HTR2C: variants seen among roughly 807,000 people sequenced by gnomAD.
HTR2C encodes 5-hydroxytryptamine receptor 2C, also known as 5-hydroxytryptamine (serotonin) receptor 2C, G protein-coupled.
A neutral mutation model predicts 21.0 loss-of-function variants in HTR2C; 5 were observed. The observed-to-expected ratio is 0.24, with a 90% CI of 0.12 to 0.50. The LOEUF (loss-of-function observed/expected upper bound fraction) is 0.50. Ranked by LOEUF, HTR2C falls within the 20% of genes least tolerant of loss-of-function variation. The pLI is 0.98. For synonymous variants in HTR2C, 150 were observed against 145.3 expected, an observed-to-expected ratio of 1.03 and a Z score of -0.23; for missense variants, 271 against 371.2, an observed-to-expected ratio of 0.73 and a Z score of 2.22.
chrX:114,694,491 A>G (rs1277516215), intron 2 of HTR2C, among the ~76,000 whole-genome samples: 8 of 15,745 alleles, frequency 5.1e-4, no homozygotes, highest in Non-Finnish European at 1.0e-3. Flanking sequence ...ATATATATAT[A>G]TACACACACA....
At chrX:114,722,391 T>G (rs1933256040) in intron 2 of HTR2C, among the ~76,000 whole-genome samples, 1 of 111,214 alleles carries the variant, frequency 9.0e-6, no homozygotes, top group Non-Finnish European at 1.9e-5. Flanking sequence ...CTGAAGTTGC[T>G]TATCAGCTTA....
At chrX:114,736,188 A>G (rs1328588856) in intron 4 of HTR2C, among the ~76,000 whole-genome samples, 6 of 111,631 alleles carry the variant, frequency 5.4e-5, no homozygotes, top group African/African-American at 1.9e-4. Flanking sequence ...GTTAAAATCA[A>G]ACATATCAGT....
chrX:114,873,505 A>G (rs781934162), intron 5 of HTR2C, among the ~76,000 whole-genome samples: 2 of 111,611 alleles, frequency 1.8e-5, no homozygotes, highest in East Asian at 5.6e-4. Flanking sequence ...ATATTGTTCT[A>G]ATTAAAAGTT....
At chrX:114,633,583 G>A (rs1212295566) in intron 2 of HTR2C, among the ~76,000 whole-genome samples, 4 of 111,075 alleles carry the variant, frequency 3.6e-5, no homozygotes, top group Admixed American at 9.6e-5. Flanking sequence ...CTCTAATTTA[G>A]CAATATTAAT....
chrX:114,869,144 A>C (rs1233626268), intron 5 of HTR2C, among the ~76,000 whole-genome samples: 1 of 111,359 alleles, frequency 9.0e-6, no homozygotes, highest in Non-Finnish European at 1.9e-5. Context: ...TTCCAGCTTC[A>C]TTCATGTCCC....
intron 5 of HTR2C, 68 bp from the exon 6 acceptor site, chrX:114,906,521 T>A (rs1158841610): frequency 1.3e-6 from 1 of 768,032 alleles, no homozygotes; most frequent in East Asian, 3.2e-5. Flanking sequence ...AATTAATGTA[T>A]GCCGTTGAAT....
chrX:114,807,736 G>A (rs1050453479), intron 4 of HTR2C, among the ~76,000 whole-genome samples: 11 of 107,724 alleles, frequency 1.0e-4, no homozygotes, highest in Admixed American at 2.0e-4. Flanking sequence ...GCAGTAGTGC[G>A]ATCTTGGCTC....
chrX:114,868,048 C>T (rs1031208936), intron 5 of HTR2C, among the ~76,000 whole-genome samples: 4 of 109,485 alleles, frequency 3.7e-5, no homozygotes, highest in Non-Finnish European at 5.7e-5. Context: ...GGAAGAATGT[C>T]GTTGGTATTT....
chrX:114,736,959 C>T (rs1168371714), intron 4 of HTR2C, among the ~76,000 whole-genome samples: 3 of 110,871 alleles, frequency 2.7e-5, no homozygotes, highest in African/African-American at 9.8e-5. Context: ...ACTGCTTTAT[C>T]AAAATCTATA....
At chrX:114,649,456 G>A (rs1215971039) in intron 2 of HTR2C, among the ~76,000 whole-genome samples, 1 of 112,003 alleles carries the variant, frequency 8.9e-6, no homozygotes, top group Non-Finnish European at 1.9e-5. Flanking sequence ...CACTGTTAAT[G>A]CAGTTTTCTC....
chrX:114,622,319 T>G (rs1173786114), intron 2 of HTR2C, among the ~76,000 whole-genome samples: 1 of 111,263 alleles, frequency 9.0e-6, no homozygotes, highest in Non-Finnish European at 1.9e-5. Context: ...CATATGGGTT[T>G]TATAAAAGAT....
At chrX:114,612,052 T>G (rs1271612288) in intron 1 of HTR2C, among the ~76,000 whole-genome samples, 3 of 110,551 alleles carry the variant, frequency 2.7e-5, no homozygotes, top group African/African-American at 9.9e-5. Flanking sequence ...TATTTTTTAC[T>G]TTCATAAGGA....
At chrX:114,661,193 G>A (rs1423795685) in intron 2 of HTR2C, among the ~76,000 whole-genome samples, 2 of 110,987 alleles carry the variant, frequency 1.8e-5, no homozygotes, top group Admixed American at 1.9e-4. Context: ...GGTGGCCCAC[G>A]CCTGTAATCC....
At chrX:114,676,090 G>A (rs1179908328) in intron 2 of HTR2C, among the ~76,000 whole-genome samples, 6 of 110,425 alleles carry the variant, frequency 5.4e-5, no homozygotes, top group African/African-American at 2.0e-4. Flanking sequence ...GGCTGGTTTC[G>A]AACTCCTGAC....
chrX:114,587,837 C>T (rs1357493820), intron 1 of HTR2C, among the ~76,000 whole-genome samples: 5 of 112,036 alleles, frequency 4.5e-5, no homozygotes, highest in Non-Finnish European at 7.5e-5. Context: ...AGACAAACAA[C>T]ATTGAAAACA....
intron 4 of HTR2C, among the ~76,000 whole-genome samples, chrX:114,802,236 T>A (rs1478366610): frequency 1.8e-5 from 2 of 111,090 alleles, no homozygotes; most frequent in African/African-American, 6.5e-5. Flanking sequence ...CATATGTGAT[T>A]TTAATTGCAT....
chrX:114,877,540 T>C (rs1329351636), intron 5 of HTR2C, among the ~76,000 whole-genome samples: 1 of 110,857 alleles, frequency 9.0e-6, no homozygotes, highest in Non-Finnish European at 1.9e-5. Context: ...GAGTTATTTA[T>C]TTGATGTCTT....
chrX:114,722,525 G>A (rs1384407899), intron 2 of HTR2C, among the ~76,000 whole-genome samples: 8 of 110,592 alleles, frequency 7.2e-5, no homozygotes, highest in African/African-American at 9.9e-5. Flanking sequence ...CTGCCTGATC[G>A]CCCTGGCCAG....
At chrX:114,865,089 T>C (rs1042190931) in intron 5 of HTR2C, among the ~76,000 whole-genome samples, 5 of 110,317 alleles carry the variant, frequency 4.5e-5, no homozygotes, top group Non-Finnish European at 9.5e-5. Context: ...CCCTAATACT[T>C]CACTGTCCCT....
Sources: allele counts gnomAD v4.1 joint callset (sites outside exome capture counted in the v4.1 genomes callset), GRCh38; gene constraint gnomAD v4.1.1; transcripts MANE v1.5; gene names NCBI Gene and HGNC (gene_info 2026-07-23, HGNC 2026-07-21).